Variants in DAZL observed in about 807,000 individuals in gnomAD.
DAZL encodes the protein deleted in azoospermia-like.
A neutral mutation model predicts 45.0 loss-of-function variants in DAZL; 4 were observed. The observed-to-expected ratio is 0.09, with a 90% CI of 0.04 to 0.20. DAZL has a LOEUF of 0.20. Among genes scored for constraint, DAZL ranks in the 10% least tolerant of loss-of-function variants. The probability of loss-of-function intolerance (pLI) is 1.00; values close to 1 mark genes in which losing one functional copy is unlikely to be tolerated. For missense variants in DAZL, 326 were observed against 351.3 expected, an observed-to-expected ratio of 0.93 and a Z score of 0.58; for synonymous variants, 122 against 112.4, an observed-to-expected ratio of 1.09 and a Z score of -0.54.
intron 9 of DAZL, 139 bp downstream of exon 9, chr3:16,593,516 C>T: frequency 1.7e-6 from 1 of 596,052 alleles, no homozygotes; most frequent in Non-Finnish European, 2.9e-6. Context: ...ACTATTTGGT[C>T]AAGCCAGTCA....
At chr3:16,598,217 CA>C (rs763898272) in intron 2 of DAZL, 39 bp from the exon 3 acceptor site, 3 of 1,534,834 alleles carry the variant, frequency 2.0e-6, no homozygotes. Context: ...AAAAATTCAG[CA>C]TTCAAAAATT....
chr3:16,595,188 T>A, intron 7 of DAZL, 126 bp downstream of exon 7: 1 of 551,996 alleles, frequency 1.8e-6, no homozygotes, highest in Admixed American at 3.4e-5. Flanking sequence ...CTAGACTAAT[T>A]TTTTTCTTAA....
chr3:16,589,952 T>C (rs1575415222), intron 10 of DAZL, among the ~76,000 whole-genome samples: 2 of 152,122 alleles, frequency 1.3e-5, no homozygotes, highest in African/African-American at 4.8e-5. Flanking sequence ...TGCATGTCTG[T>C]AGTCCTAACT....
At chr3:16,598,221 C>T in intron 2 of DAZL, 43 bp from the exon 3 acceptor site, 1 of 1,526,674 alleles carries the variant, frequency 6.6e-7, no homozygotes. Flanking sequence ...ATTCAGCATT[C>T]AAAAATTTTA....
intron 1 of DAZL, among the ~76,000 whole-genome samples, chr3:16,604,100 T>C (rs186159466): frequency 2.0e-3 from 302 of 152,362 alleles, no homozygotes; most frequent in Non-Finnish European, 3.8e-3. Flanking sequence ...GTTGCACAAT[T>C]ACACATAATA....
At chr3:16,597,766 C>A (rs913703127) in intron 3 of DAZL, among the ~76,000 whole-genome samples, 1 of 152,072 alleles carries the variant, frequency 6.6e-6, no homozygotes, top group African/African-American at 2.4e-5. Flanking sequence ...CATTGATTAA[C>A]AAAGAATTCA....
At chr3:16,593,541 A>T in intron 9 of DAZL, 114 bp downstream of exon 9, 8 of 692,460 alleles carry the variant, frequency 1.2e-5, no homozygotes, top group Non-Finnish European at 2.0e-5. Context: ...ACTCTTCTCT[A>T]GTTAACCTTT....
chr3:16,589,492 C>T (rs1270419943), intron 10 of DAZL, among the ~76,000 whole-genome samples: 4 of 152,030 alleles, frequency 2.6e-5, no homozygotes, highest in African/African-American at 9.7e-5. Flanking sequence ...AAACTGGTCA[C>T]CAACATGTAT....
chr3:16,601,182 G>C (rs1044708173), intron 1 of DAZL, among the ~76,000 whole-genome samples: 1 of 152,156 alleles, frequency 6.6e-6, no homozygotes, highest in Admixed American at 6.5e-5. Flanking sequence ...AAAATGAATG[G>C]TTGGAAAAGA....
intron 10 of DAZL, among the ~76,000 whole-genome samples, chr3:16,590,390 TG>T (rs1694499776): frequency 2.2e-5 from 2 of 90,936 alleles, no homozygotes; most frequent in African/African-American, 1.0e-4. Context: ...CATTCACAGA[TG>T]AAAAAAAAGC....
Position 16,604,464 on chromosome 3 carries a change from G to C in DAZL, c.3+739C>G, listed in dbSNP as rs1559405997. 2.0e-6 allele frequency: 3 copies of C among 1,531,892 alleles called. No homozygotes were observed. The South Asian group carries it at 3.6e-5, about 18-fold the overall frequency. 94.9% of individuals were successfully genotyped at this position (1,531,892 alleles called of 1,614,324 possible). A position where few individuals can be genotyped will look rare whatever the true frequency, so the allele number is the denominator to read the frequency against. On this transcript the variant is annotated intron_variant, in intron 1 of 10. Coordinates refer to ENST00000399444, the MANE Select transcript of DAZL (RefSeq NM_001351.4). ...CCTCGTGCGGCAAAGATGGCGTCAG[G>C]CGAGCTTTTCTGTCGCCGCCACACG...
intron 8 of DAZL, among the ~76,000 whole-genome samples, chr3:16,593,986 A>G (rs1016006264): frequency 6.6e-6 from 1 of 152,238 alleles, no homozygotes; most frequent in African/African-American, 2.4e-5. Flanking sequence ...CATAATCAGA[A>G]GTAGAAGAAC....
At position 16,588,277 on chromosome 3, in the gene DAZL, T is replaced by C. The variant is rs1694467790; in HGVS notation, c.*383A>G. ...AAATACTGTACTGTTCACAGGTACT[T>C]GTTGGAGAAGTGAAATGTTTGTATT... On this transcript the variant is annotated 3_prime_UTR_variant, in exon 11 of 11. Coordinates refer to ENST00000399444, the MANE Select transcript of DAZL (RefSeq NM_001351.4). The C allele has an allele frequency of 7.0e-6, 2 of 286,700 alleles. No individual in the cohort carries two copies. Among genetic ancestry groups the C allele is most frequent in the African/African-American group, 2.2e-5 (1 of 45,534 alleles). 17.8% of individuals were successfully genotyped at this position (286,700 alleles called of 1,614,324 possible). A position where few individuals can be genotyped will look rare whatever the true frequency, so the allele number is the denominator to read the frequency against.
At chr3:16,605,177 C>A in intron 1 of DAZL, 26 bp downstream of exon 1, 1 of 1,614,114 alleles carries the variant, frequency 6.2e-7, no homozygotes, top group Non-Finnish European at 8.5e-7. Flanking sequence ...GCCAGCCTTG[C>A]CCCTCGGGCC....
chr3:16,591,314 C>T (rs1181624140), intron 10 of DAZL, among the ~76,000 whole-genome samples: 2 of 152,138 alleles, frequency 1.3e-5, no homozygotes, highest in African/African-American at 2.4e-5. Flanking sequence ...GAATCAACCT[C>T]CAATTCTTTC....
intron 1 of DAZL, 71 bp downstream of exon 1, chr3:16,605,132 T>G: frequency 6.3e-7 from 1 of 1,599,014 alleles, no homozygotes; most frequent in Non-Finnish European, 8.6e-7. Context: ...TTTCCGACCC[T>G]GCAGAGCCGA....
chr3:16,597,353 G>GT, intron 4 of DAZL, 137 bp downstream of exon 4: 3 of 754,824 alleles, frequency 4.0e-6, no homozygotes, highest in Non-Finnish European at 2.3e-6. Context: ...AACAAGTTAT[G>GT]TAAGATTCCT....
intron 9 of DAZL, 117 bp from the exon 10 acceptor site, chr3:16,592,265 T>C: frequency 6.1e-6 from 9 of 1,465,402 alleles, no homozygotes; most frequent in Non-Finnish European, 8.5e-6. Flanking sequence ...ATGCAAAAAA[T>C]GCTAAAAGAG....
In DAZL at chr3:16,594,565, C is replaced by A. The variant is rs781779694; in HGVS notation, c.589G>T (p.Val197Phe). The A allele has an allele frequency of 2.5e-6, 4 of 1,588,904 alleles. No individual in the cohort carries two copies. Among genetic ancestry groups the A allele is most frequent in the South Asian group, 1.2e-5 (1 of 85,006 alleles). The change falls in exon 8 of 11, where the codon GTT becomes TTT. Residue 197 changes from valine to phenylalanine, a missense_variant. By Grantham distance (50) the Val-to-Phe change is conservative. This residue lies in a region of DAZL where 227 missense variants were observed against 216.6 expected (regional missense o/e 1.05). Transcript: ENST00000399444. ...ACAACATAGCTCCTTTGCTCCCCAACAGGCCACTGTGGTGGCATCTTAAAA... is the reference window on the plus strand; with the variant it reads ...ACAACATAGCTCCTTTGCTCCCCAAAAGGCCACTGTGGTGGCATCTTAAAA... ...YNYQMPPQWP[V>F]GEQRSYVVPP...
Sources: allele counts gnomAD v4.1 joint callset (sites outside exome capture counted in the v4.1 genomes callset), GRCh38; gene constraint gnomAD v4.1.1; regional missense constraint gnomAD v4.1.1; transcripts MANE v1.5; gene names NCBI Gene and HGNC (gene_info 2026-07-23, HGNC 2026-07-21).